The following OTOF variants were observed in gnomAD, a reference collection of about 807,000 sequenced individuals.
OTOF encodes otoferlin, also known as fer-1-like family member 2.
In OTOF, 218 loss-of-function variants were observed where a neutral mutation model predicts 236.8. The ratio of observed to expected loss-of-function variants is 0.92; its 90% confidence interval spans 0.82 to 1.03. The LOEUF (loss-of-function observed/expected upper bound fraction) is 1.03. Ranked by LOEUF, OTOF falls within the 50% of genes least tolerant of loss-of-function variation. The pLI is 0.00. For missense variants in OTOF, 2,590 were observed against 2,694.4 expected, an observed-to-expected ratio of 0.96 and a Z score of 0.86; for synonymous variants, 1,041 against 1,072.5, an observed-to-expected ratio of 0.97 and a Z score of 0.57.
Position 26,470,808 on chromosome 2 carries a change from G to A in OTOF, c.3895-87C>T, listed in dbSNP as rs1346669641. The A allele has an allele frequency of 6.4e-7, 1 of 1,562,118 alleles. No individual in the cohort carries two copies. The highest frequency in any genetic ancestry group is 8.6e-7 in the Non-Finnish European group (1 of 1,158,790). On this transcript the variant is annotated intron_variant, in intron 31 of 46. Transcript: ENST00000272371. The surrounding 1 kb of genome is among the most constrained non-coding windows in gnomAD (Gnocchi z 4.3). ...CCTCCACCCATTCCGCCATCTGTCAGCAGGAAGCCTTGGGCTCCATGAGGC... is the reference window on the plus strand; with the variant it reads ...CCTCCACCCATTCCGCCATCTGTCAACAGGAAGCCTTGGGCTCCATGAGGC...
At chr2:26,551,280 C>T (rs1350449064) in intron 1 of OTOF, among the ~76,000 whole-genome samples, 2 of 152,222 alleles carry the variant, frequency 1.3e-5, no homozygotes, top group Non-Finnish European at 2.9e-5. Flanking sequence ...CGTGAGCCAC[C>T]ATGCCCAGCC....
Position 26,514,936 on chromosome 2 carries a change from G to A in OTOF, c.509+1482C>T, listed in dbSNP as rs149131192. Among the ~76,000 whole-genome samples the A allele has an allele frequency of 3.0e-3, 455 of 152,300 alleles. 2 individuals are homozygous for A. Among genetic ancestry groups the A allele is most frequent in the African/African-American group, 9.9e-3 (412 of 41,560 alleles). On this transcript the variant is annotated intron_variant, in intron 5 of 46. Coordinates refer to ENST00000272371, the MANE Select transcript of OTOF (RefSeq NM_194248.3). ...CGAGGAGGACCAGGTGGTGCCCACT[G>A]AGTCAGCATCCCTTCACTCCCCGTC...
At chr2:26,538,004 G>A (rs749362580) in intron 1 of OTOF, among the ~76,000 whole-genome samples, 15 of 151,976 alleles carry the variant, frequency 9.9e-5, no homozygotes, top group Non-Finnish European at 1.0e-4. Context: ...TGAGTTCCAT[G>A]TTAGGAACGG....
chr2:26,478,383 T>C (rs1665418727), intron 18 of OTOF, among the ~76,000 whole-genome samples: 1 of 152,216 alleles, frequency 6.6e-6, no homozygotes, highest in Non-Finnish European at 1.5e-5. Context: ...GCAGACCTCA[T>C]ATTAGCCTTG....
In OTOF at chr2:26,482,584, A is replaced by C; in HGVS notation, c.1401T>G (p.Thr467=). 6.2e-7 allele frequency: 1 copy of C among 1,612,664 alleles called. No individual in the cohort carries two copies. The highest frequency in any genetic ancestry group is 8.5e-7 in the Non-Finnish European group (1 of 1,179,452). ...QVFFAGQKGK[T]SVQKSSYEPL... is the part of the protein sequence containing the mutation. ...GCTCATAGCTGCTCTTCTGCACTGA[A>C]GTCTTGCCCTGGTGGAAGGGGGAGC... is the stretch of plus-strand genomic sequence containing the variant. The change falls in exon 14 of 47, where the codon ACT becomes ACG. Residue 467 remains threonine, a synonymous_variant. Coordinates refer to ENST00000272371, the MANE Select transcript of OTOF (RefSeq NM_194248.3).
intron 5 of OTOF, among the ~76,000 whole-genome samples, chr2:26,507,533 C>T (rs1234389238): frequency 4.6e-5 from 7 of 152,176 alleles, no homozygotes; most frequent in African/African-American, 7.2e-5. Context: ...TTGAGGTGTC[C>T]GTTGTCCTGG....
chr2:26,550,782 C>T (rs1667441779), intron 1 of OTOF, among the ~76,000 whole-genome samples: 2 of 152,158 alleles, frequency 1.3e-5, no homozygotes, highest in Admixed American at 6.5e-5. Flanking sequence ...TGTCCCTGCC[C>T]GCAGTCCTCA....
At chr2:26,510,966 G>C (rs923720672) in intron 5 of OTOF, among the ~76,000 whole-genome samples, 10 of 152,240 alleles carry the variant, frequency 6.6e-5, no homozygotes, top group Admixed American at 1.3e-4. Context: ...AGATGGGAGG[G>C]GCCCACAGTG....
At chr2:26,532,644 C>G (rs997600037) in intron 2 of OTOF, among the ~76,000 whole-genome samples, 9 of 152,110 alleles carry the variant, frequency 5.9e-5, no homozygotes, top group Admixed American at 3.9e-4. Context: ...GTAGGTAGTA[C>G]AGATAGGGAG....
Position 26,460,039 on chromosome 2 carries a change from T to C in OTOF, c.5980A>G (p.Ile1994Val). The C allele has an allele frequency of 6.4e-7, 1 of 1,570,526 alleles. No homozygotes were observed. Among genetic ancestry groups the C allele is most frequent in the African/African-American group, 1.3e-5 (1 of 74,290 alleles). ...YSVPGYLVKK[I>V]LGA ...GGCCACTGGGCTCAGGCCCCGAGGA[T>C]TTTCTTGACCAGGTAGCCAGGCACA... Residue 1994 changes from isoleucine (I) to valine (V), a missense_variant, in exon 46 of 47, where the codon ATC becomes GTC. Transcript: ENST00000272371. The surrounding 1 kb of genome is among the most constrained non-coding windows in gnomAD (Gnocchi z 5.3).
chr2:26,492,925 G>A (rs922087670), intron 9 of OTOF, among the ~76,000 whole-genome samples: 4 of 152,194 alleles, frequency 2.6e-5, no homozygotes, highest in African/African-American at 9.7e-5. Context: ...CCTTGGGAAA[G>A]AGGAAGTAAT....
At chr2:26,537,927 C>T (rs750962151) in intron 1 of OTOF, among the ~76,000 whole-genome samples, 153 bp from the exon 2 acceptor site, 2 of 152,170 alleles carry the variant, frequency 1.3e-5, no homozygotes, top group Non-Finnish European at 2.9e-5. Flanking sequence ...CAGGGTGAGG[C>T]CAGTCCCCAT....
chr2:26,496,525 C>A (rs1665990642), intron 8 of OTOF, among the ~76,000 whole-genome samples: 1 of 152,170 alleles, frequency 6.6e-6, no homozygotes, highest in East Asian at 1.9e-4. Flanking sequence ...CAGGCACGAG[C>A]CACTGTGACC....
chr2:26,467,789 T>A (rs1380702000), intron 33 of OTOF, among the ~76,000 whole-genome samples: 4 of 152,218 alleles, frequency 2.6e-5, no homozygotes, highest in African/African-American at 9.6e-5. Context: ...CGCAGTTCCT[T>A]GCCCACTCAC....
intron 1 of OTOF, among the ~76,000 whole-genome samples, chr2:26,552,650 T>C (rs1443484419): frequency 4.6e-5 from 7 of 152,100 alleles, no homozygotes; most frequent in Middle Eastern, 3.2e-3. Flanking sequence ...TGGTGTGCAA[T>C]GGCTTGCTCT....
chr2:26,468,815 C>T (rs1016658977), intron 32 of OTOF, among the ~76,000 whole-genome samples: 1 of 152,160 alleles, frequency 6.6e-6, no homozygotes, highest in Non-Finnish European at 1.5e-5. Context: ...GAAAACCAAA[C>T]ACTGCATGTT....
chr2:26,479,753 G>A, intron 16 of OTOF, 100 bp from the exon 17 acceptor site: 1 of 1,167,832 alleles, frequency 8.6e-7, no homozygotes, highest in Non-Finnish European at 1.3e-6. Context: ...AGGGGAGAGG[G>A]AGAGTCAGGG....
chr2:26,506,467 C>T (rs1372622710), intron 5 of OTOF, among the ~76,000 whole-genome samples: 2 of 152,186 alleles, frequency 1.3e-5, no homozygotes, highest in Non-Finnish European at 2.9e-5. Flanking sequence ...TAGAAGCAGG[C>T]CCTGCCTGGA....
At chr2:26,540,344 C>CCATG (rs1036983955) in intron 1 of OTOF, among the ~76,000 whole-genome samples, 1 of 152,208 alleles carries the variant, frequency 6.6e-6, no homozygotes, top group African/African-American at 2.4e-5. Context: ...CTGATGAAGC[C>CCATG]CATGGCATGG....
Sources: allele counts gnomAD v4.1 joint callset (sites outside exome capture counted in the v4.1 genomes callset), GRCh38; gene constraint gnomAD v4.1.1; non-coding constraint Gnocchi (gnomAD v3.1); transcripts MANE v1.5; gene names NCBI Gene and HGNC (gene_info 2026-07-23, HGNC 2026-07-21).